Variants in TNR observed in about 807,000 individuals in gnomAD.
TNR encodes the protein tenascin R.
In TNR, 45 loss-of-function variants were observed where a neutral mutation model predicts 150.4. The observed-to-expected ratio is 0.30, with a 90% CI of 0.24 to 0.38. The LOEUF is 0.38. Among genes scored for constraint, TNR ranks in the 10% least tolerant of loss-of-function variants. The pLI, the probability that TNR is intolerant of heterozygous loss-of-function variation, is 1.00. For synonymous variants in TNR, 687 were observed against 678.4 expected (o/e 1.01, Z -0.20); for missense variants, 1,544 against 1,759.1 (o/e 0.88, Z 2.19).
At chr1:175,417,598 CT>C (rs1023380232) in intron 2 of TNR, among the ~76,000 whole-genome samples, 5 of 152,082 alleles carry the variant, frequency 3.3e-5, no homozygotes, top group African/African-American at 1.2e-4. Context: ...GGGCTCAGAA[CT>C]TCCAAGTAAT....
intron 2 of TNR, among the ~76,000 whole-genome samples, chr1:175,515,247 A>T (rs1020706980): frequency 2.0e-5 from 3 of 152,190 alleles, no homozygotes; most frequent in Non-Finnish European, 4.4e-5. Flanking sequence ...CCCAGCCTTG[A>T]CAATATAAGG....
In TNR at chr1:175,320,445, A is replaced by G. The variant is rs1218340649; in HGVS notation, c.*2912T>C. The G allele has an allele frequency of 6.6e-6, 1 of 152,254 alleles. No individual in the cohort carries two copies. Among genetic ancestry groups the G allele is most frequent in the Non-Finnish European group, 1.5e-5 (1 of 68,040 alleles). 9.4% of individuals were successfully genotyped at this position (152,254 alleles called of 1,614,324 possible). On this transcript the variant is annotated 3_prime_UTR_variant, in exon 23 of 23. Transcript: ENST00000367674. ...TTTGAAGTCTCTTTCTTGCTTCAAA[A>G]TAAAGCTATGCAATGCCGCTGGTAC...
At chr1:175,674,309 C>A (rs1246575692) in intron 1 of TNR, among the ~76,000 whole-genome samples, 1 of 152,202 alleles carries the variant, frequency 6.6e-6, no homozygotes, top group African/African-American at 2.4e-5. Context: ...CCCTCCTGAG[C>A]AATTCTGTTT....
chr1:175,331,158 T>TCCTTCCTTCCTTCC (rs1649880173), intron 20 of TNR, among the ~76,000 whole-genome samples: 3 of 101,598 alleles, frequency 3.0e-5, no homozygotes, highest in Admixed American at 1.1e-4. Context: ...TTTCTTTCTT[T>TCCTTCCTTCCTTCC]TTCTTTCCTT....
At chr1:175,589,662 C>T (rs2101836645) in intron 1 of TNR, among the ~76,000 whole-genome samples, 1 of 152,286 alleles carries the variant, frequency 6.6e-6, no homozygotes, top group East Asian at 1.9e-4. Context: ...GAATACTACA[C>T]AGCCATAAAA....
At chr1:175,355,718 A>C in intron 16 of TNR, 85 bp from the exon 17 acceptor site, 2 of 1,574,850 alleles carry the variant, frequency 1.3e-6, no homozygotes, top group Non-Finnish European at 1.7e-6. Context: ...TCTGTTGCCC[A>C]CCTCTTTGGT....
At chr1:175,672,004 T>A (rs898539651) in intron 1 of TNR, among the ~76,000 whole-genome samples, 6 of 151,806 alleles carry the variant, frequency 4.0e-5, no homozygotes, top group Admixed American at 3.9e-4. Flanking sequence ...GGCTTTGGCA[T>A]CAACACACTA....
At chr1:175,634,203 G>C (rs927439514) in intron 1 of TNR, among the ~76,000 whole-genome samples, 18 of 152,184 alleles carry the variant, frequency 1.2e-4, no homozygotes, top group African/African-American at 4.3e-4. Flanking sequence ...GGGCAGAGCT[G>C]TGTGCCCCCA....
rs547944810 is a variant in TNR at position 175,553,768 on chromosome 1, C to T, written c.-164-25399G>A. Among the ~76,000 whole-genome samples the T allele has an allele frequency of 2.6e-5, 4 of 151,636 alleles. No individual in the cohort carries two copies. The South Asian group carries it at 6.2e-4, about 24-fold the overall frequency. ...GCCCATCTTAAAACACACACACACA[C>T]ATTCGTGTAGATATACATACATATC... is the stretch of plus-strand genomic sequence containing the variant. On this transcript the variant is annotated intron_variant, in intron 1 of 22. Coordinates refer to ENST00000367674, the MANE Select transcript of TNR (RefSeq NM_003285.3).
At position 175,711,547 on chromosome 1, in the gene TNR, T is replaced by C. The variant is rs574450885; in HGVS notation, c.-165+31679A>G. The stretch of plus-strand genomic sequence containing the variant: ...CAGGGGAGTGATTTAACTTCTGCCA[T>C]AAAAGCAGCCCTCTGGCTGCTGCAG... On this transcript the variant is annotated intron_variant, in intron 1 of 22. Transcript: ENST00000367674. Among the ~76,000 whole-genome samples the C allele has an allele frequency of 8.4e-4, 128 of 152,200 alleles. No homozygotes were observed. In the Middle Eastern group the frequency reaches 0.014, roughly 16 times the overall value.
chr1:175,601,060 A>T (rs1412771027), intron 1 of TNR, among the ~76,000 whole-genome samples: 1 of 152,264 alleles, frequency 6.6e-6, no homozygotes, highest in African/African-American at 2.4e-5. Context: ...TAGTTTCAAC[A>T]TATTTATACA....
intron 2 of TNR, among the ~76,000 whole-genome samples, chr1:175,469,098 G>T (rs564864689): frequency 6.6e-6 from 1 of 152,248 alleles, no homozygotes; most frequent in East Asian, 1.9e-4. Flanking sequence ...GGAGCATTTG[G>T]TGAGGAAGAC....
intron 1 of TNR, among the ~76,000 whole-genome samples, chr1:175,532,661 A>T (rs184277488): frequency 2.0e-5 from 3 of 152,350 alleles, no homozygotes; most frequent in East Asian, 3.9e-4. Context: ...GAAGCAGTTT[A>T]TCTGAGTGGT....
chr1:175,447,874 A>G (rs1656133191), intron 2 of TNR, among the ~76,000 whole-genome samples: 1 of 152,300 alleles, frequency 6.6e-6, no homozygotes, highest in African/African-American at 2.4e-5. Context: ...TTATGTACCT[A>G]TTCCTTGAGG....
chr1:175,417,590 G>A (rs1263438727), intron 2 of TNR, among the ~76,000 whole-genome samples: 1 of 152,086 alleles, frequency 6.6e-6, no homozygotes, highest in African/African-American at 2.4e-5. Flanking sequence ...CTAAACATGG[G>A]CTCAGAACTT....
intron 2 of TNR, among the ~76,000 whole-genome samples, chr1:175,480,032 G>A (rs1657714912): frequency 6.6e-6 from 1 of 152,060 alleles, no homozygotes; most frequent in South Asian, 2.1e-4. Context: ...GCAGAGGGAG[G>A]AGAGGCAGGA....
rs141894521 is a variant in TNR, at chr1:175,420,581, T to G, written c.-63-13804A>C. ...AAGATTTCAACATTTTTTCTCACAT[T>G]GATCTTCCTACCTTTCCCCTTTTGA... On this transcript the variant is annotated intron_variant, in intron 2 of 22. Coordinates refer to ENST00000367674, the MANE Select transcript of TNR (RefSeq NM_003285.3). Among the ~76,000 whole-genome samples the G allele has an allele frequency of 4.4e-3, 672 of 152,376 alleles. 4 individuals carry two copies. The highest frequency in any genetic ancestry group is 0.012 in the South Asian group (57 of 4,832).
At chr1:175,384,532 G>A (rs938086961) in intron 8 of TNR, among the ~76,000 whole-genome samples, 6 of 152,214 alleles carry the variant, frequency 3.9e-5, no homozygotes, top group Non-Finnish European at 8.8e-5. Context: ...GTCAGTGTCT[G>A]TACTTGCTCC....
At chr1:175,391,556 A>G in intron 6 of TNR, 118 bp from the exon 7 acceptor site, 1 of 1,131,906 alleles carries the variant, frequency 8.8e-7, no homozygotes, top group Non-Finnish European at 1.2e-6. Context: ...AATGGGGGCG[A>G]TGTCTCTTTC....
Sources: allele counts gnomAD v4.1 joint callset (sites outside exome capture counted in the v4.1 genomes callset), GRCh38; gene constraint gnomAD v4.1.1; transcripts MANE v1.5; gene names NCBI Gene and HGNC (gene_info 2026-07-23, HGNC 2026-07-21).